Variants in ARHGEF11 observed in about 807,000 individuals in gnomAD.
ARHGEF11 encodes the protein Rho guanine nucleotide exchange factor 11, also known as Rho guanine exchange factor (GEF) 11.
A neutral mutation model predicts 193.7 loss-of-function variants in ARHGEF11; 55 were observed. That is an observed-to-expected ratio of 0.28 (90% CI 0.23 to 0.36). ARHGEF11 has a LOEUF of 0.36. Among genes scored for constraint, ARHGEF11 ranks in the 10% least tolerant of loss-of-function variants. The pLI, the probability that ARHGEF11 is intolerant of heterozygous loss-of-function variation, is 1.00. For synonymous variants in ARHGEF11, 693 were observed against 768.0 expected, an observed-to-expected ratio of 0.90 and a Z score of 1.62; for missense variants, 1,723 against 2,005.6, an observed-to-expected ratio of 0.86 and a Z score of 2.69.
intron 1 of ARHGEF11, among the ~76,000 whole-genome samples, chr1:157,037,129 A>AAAAT (rs754069793): frequency 8.2e-4 from 124 of 152,144 alleles, no homozygotes; most frequent in Non-Finnish European, 6.5e-4. Context: ...ACTCTGTCTC[A>AAAAT]AAATAAATAA....
chr1:157,044,531 C>T lies in ARHGEF11; in HGVS notation c.-201G>A, dbSNP rs1469773416. 6 of 461,846 alleles carry T rather than the reference C, an allele frequency of 1.3e-5. No individual in the cohort carries two copies. The highest frequency in any genetic ancestry group is 2.0e-5 in the African/African-American group (1 of 50,226). The allele number at this position is 461,846 out of a possible 1,614,324, so 28.6% of individuals were successfully genotyped here. ...GTGAACATGATTTCCTTTCTCAGCC[C>T]CTCTTCCCCTCCCCCGCTTTAAAAA... On this transcript the variant is annotated 5_prime_UTR_variant, in exon 1 of 41. Coordinates refer to ENST00000368194, the MANE Select transcript of ARHGEF11 (RefSeq NM_198236.3).
chr1:156,999,419 G>A (rs1445227564), intron 1 of ARHGEF11, among the ~76,000 whole-genome samples: 2 of 151,876 alleles, frequency 1.3e-5, no homozygotes, highest in Non-Finnish European at 2.9e-5. Flanking sequence ...GTCATCTCAC[G>A]TCCTTTCTTA....
intron 14 of ARHGEF11, among the ~76,000 whole-genome samples, chr1:156,961,427 T>C (rs1660829671): frequency 1.3e-5 from 2 of 152,114 alleles, no homozygotes; most frequent in Non-Finnish European, 2.9e-5. Flanking sequence ...ATAGGGAGAA[T>C]TTGGTACAAT....
Position 156,937,385 on chromosome 1 carries a change from T to TCTGTCTGCCCTGCAGGGAGG in ARHGEF11, c.4284_4303dup (p.Glu1435AlafsTer37), listed in dbSNP as rs760937964. On this transcript the variant is annotated frameshift_variant, in exon 39 of 41. Transcript: ENST00000368194. LOFTEE classifies it high-confidence loss of function. The stretch of plus-strand genomic sequence containing the variant: ...GCCTCCCTGCAGCTGAGGCTGAGGC[T>TCTGTCTGCCCTGCAGGGAGG]CTGTCTGCCCTGCAGGGAGGCTGTC... The TCTGTCTGCCCTGCAGGGAGG allele has an allele frequency of 6.2e-7, 1 of 1,607,242 alleles. No individual in the cohort carries two copies. The highest frequency in any genetic ancestry group is 1.7e-5 in the Admixed American group (1 of 59,248).
intron 8 of ARHGEF11, 48 bp downstream of exon 8, chr1:156,971,649 C>T (rs746878753): frequency 1.9e-6 from 3 of 1,580,718 alleles, no homozygotes; most frequent in Middle Eastern, 1.7e-4. Context: ...ACTCTACCCC[C>T]AGTTCTACTG....
chr1:156,936,497 A>AAAAAAAAAAAAATAT (rs370282821), intron 40 of ARHGEF11, among the ~76,000 whole-genome samples: 1 of 33,916 alleles, frequency 2.9e-5, no homozygotes, highest in African/African-American at 1.5e-4. Flanking sequence ...AAAAAAAAAA[A>AAAAAAAAAAAAATAT]ATATATATAT....
At chr1:157,025,659 A>G (rs1670552749) in intron 1 of ARHGEF11, among the ~76,000 whole-genome samples, 1 of 152,204 alleles carries the variant, frequency 6.6e-6, no homozygotes, top group African/African-American at 2.4e-5. Context: ...CACACAGATG[A>G]GCGGGCTCCC....
chr1:156,981,458 G>C (rs890212932), intron 3 of ARHGEF11, among the ~76,000 whole-genome samples: 3 of 152,178 alleles, frequency 2.0e-5, no homozygotes, highest in Non-Finnish European at 4.4e-5. Context: ...GGAGGCTACA[G>C]TGGTTTTGAC....
chr1:156,972,458 A>G (rs972775126), intron 7 of ARHGEF11, among the ~76,000 whole-genome samples: 5 of 152,234 alleles, frequency 3.3e-5, no homozygotes, highest in Non-Finnish European at 7.3e-5. Flanking sequence ...CGGGTGTAAT[A>G]GTGGAGTGAG....
At chr1:156,958,886 A>T (rs1055724982) in intron 16 of ARHGEF11, 22 bp from the exon 17 acceptor site, 1 of 1,613,860 alleles carries the variant, frequency 6.2e-7, no homozygotes, top group Non-Finnish European at 8.5e-7. Context: ...AAACACAGGG[A>T]AAGAAAGAAA....
At chr1:156,945,267 C>T in intron 29 of ARHGEF11, 70 bp from the exon 30 acceptor site, 1 of 1,530,698 alleles carries the variant, frequency 6.5e-7, no homozygotes, top group Non-Finnish European at 8.9e-7. Flanking sequence ...CAGCTGTTAT[C>T]TGCCTATTCA....
intron 7 of ARHGEF11, 143 bp downstream of exon 7, chr1:156,976,840 T>C (rs1256422857): frequency 4.3e-6 from 3 of 701,856 alleles, no homozygotes; most frequent in South Asian, 1.9e-5. Flanking sequence ...GACAATTCTT[T>C]AGTGGTCCGG....
intron 1 of ARHGEF11, among the ~76,000 whole-genome samples, chr1:157,005,683 T>C (rs1047797298): frequency 2.0e-5 from 3 of 152,244 alleles, no homozygotes; most frequent in Non-Finnish European, 2.9e-5. Flanking sequence ...CTTGTACTGC[T>C]ACTTAGTCTC....
rs535273731 is a variant in ARHGEF11, at chr1:156,957,429, T to C, written c.1526+363A>G. 6.6e-5 allele frequency among the ~76,000 whole-genome samples: 10 copies of C among 152,228 alleles called. No individual in the cohort carries two copies. In the South Asian group the frequency reaches 1.0e-3, roughly 16 times the overall value. On this transcript the variant is annotated intron_variant, in intron 18 of 40. Coordinates refer to ENST00000368194, the MANE Select transcript of ARHGEF11 (RefSeq NM_198236.3). ...TGTCACTAACAGGCTGATTCCACGA[T>C]TACTGTTACTACTTGAGGTAGTTTA...
chr1:156,936,497 A>ATATATATATATATATATAT (rs1553192805), intron 40 of ARHGEF11, among the ~76,000 whole-genome samples: 2 of 33,936 alleles, frequency 5.9e-5, no homozygotes, highest in East Asian at 2.2e-3. Context: ...AAAAAAAAAA[A>ATATATATATATATATATAT]ATATATATAT....
At chr1:157,003,078 T>G (rs1378901360) in intron 1 of ARHGEF11, among the ~76,000 whole-genome samples, 1 of 152,224 alleles carries the variant, frequency 6.6e-6, no homozygotes, top group African/African-American at 2.4e-5. Context: ...TGTTGATTAT[T>G]CATATTAGCC....
At chr1:156,997,924 C>T (rs1304050715) in intron 1 of ARHGEF11, among the ~76,000 whole-genome samples, 1 of 151,944 alleles carries the variant, frequency 6.6e-6, no homozygotes, top group Non-Finnish European at 1.5e-5. Flanking sequence ...TATTGGACAG[C>T]ACTGGTCTGG....
chr1:156,998,430 A>G (rs938387572), intron 1 of ARHGEF11, among the ~76,000 whole-genome samples: 4 of 152,264 alleles, frequency 2.6e-5, no homozygotes, highest in African/African-American at 9.6e-5. Flanking sequence ...GTGTGGAGTT[A>G]GAACAGGCCT....
Position 156,946,073 on chromosome 1 carries a change from C to T in ARHGEF11, c.2784G>A (p.Leu928=). 6.8e-6 allele frequency: 11 copies of T among 1,613,624 alleles called. No individual in the cohort carries two copies. Among genetic ancestry groups the T allele is most frequent in the Non-Finnish European group, 7.6e-6 (9 of 1,179,924 alleles). Residue 928 remains leucine, a synonymous_variant, in exon 29 of 41, where the codon CTG becomes CTA. Coordinates refer to ENST00000368194, the MANE Select transcript of ARHGEF11 (RefSeq NM_198236.3). ...CTGTGTGCTTGATGATGCTCTCCAG[C>T]AGCAGCGGGTACTTGGTGAGCCGCT... ...EMQRLTKYPL[L]LESIIKHTEG... is the part of the protein sequence containing the mutation.
Sources: gnomAD v4.1 joint callset for allele counts (sites outside exome capture counted in the v4.1 genomes callset) on GRCh38, gnomAD v4.1.1 for gene constraint, MANE v1.5 for transcripts, NCBI Gene and HGNC (gene_info 2026-07-23, HGNC 2026-07-21) for gene names.